CDH4: variants seen among roughly 807,000 people sequenced by gnomAD.
The protein encoded by CDH4 is cadherin-4.
Under a neutral mutation model 86.0 loss-of-function variants are expected in CDH4, and 33 were observed. That is an observed-to-expected ratio of 0.38 (90% CI 0.29 to 0.51). The LOEUF (loss-of-function observed/expected upper bound fraction) is 0.51, where lower values mean the gene tolerates loss of function less well. Among genes scored for constraint, CDH4 ranks in the 20% least tolerant of loss-of-function variants. The pLI is 0.86. For missense variants in CDH4, 1,114 were observed against 1,307.4 expected (o/e 0.85, Z 2.28); for synonymous variants, 555 against 549.4 (o/e 1.01, Z -0.14).
intron 2 of CDH4, among the ~76,000 whole-genome samples, chr20:61,381,807 G>A (rs148833509): frequency 1.2e-4 from 18 of 152,240 alleles, no homozygotes; most frequent in South Asian, 6.2e-4. Flanking sequence ...CAGGTGTAGT[G>A]GCTCACACCT....
chr20:61,691,390 G>C (rs765168329), intron 2 of CDH4, among the ~76,000 whole-genome samples: 3 of 151,816 alleles, frequency 2.0e-5, no homozygotes, highest in Non-Finnish European at 4.4e-5. Context: ...TATTTGTGTG[G>C]ATGTGTGTGT....
chr20:61,729,167 C>T (rs562957837), intron 2 of CDH4, among the ~76,000 whole-genome samples: 5 of 152,314 alleles, frequency 3.3e-5, no homozygotes, highest in Admixed American at 6.5e-5. Context: ...CAGGAGTCCT[C>T]GGTGCATGGC....
intron 7 of CDH4, 50 bp from the exon 8 acceptor site, chr20:61,894,860 A>G (rs1298265828): frequency 1.3e-6 from 2 of 1,577,394 alleles, no homozygotes; most frequent in South Asian, 1.2e-5. Context: ...CCTGTCAATT[A>G]AAACCCAAAC....
chr20:61,280,644 C>T (rs1021699708), intron 2 of CDH4, among the ~76,000 whole-genome samples: 3 of 152,206 alleles, frequency 2.0e-5, no homozygotes, highest in South Asian at 2.1e-4. Context: ...TTCAGATACA[C>T]GGACTTATGG....
At chr20:61,556,124 G>T (rs2086175826) in intron 2 of CDH4, among the ~76,000 whole-genome samples, 1 of 152,198 alleles carries the variant, frequency 6.6e-6, no homozygotes, top group African/African-American at 2.4e-5. Context: ...CGTGACCACA[G>T]AAGTTTGCCA....
chr20:61,303,495 C>T (rs1288680387), intron 2 of CDH4, among the ~76,000 whole-genome samples: 2 of 152,212 alleles, frequency 1.3e-5, no homozygotes, highest in Admixed American at 1.3e-4. Context: ...CCCCTCTTCC[C>T]CTTCTCTGCC....
At chr20:61,537,623 AGCGGGCTTC>A (rs2086007079) in intron 2 of CDH4, among the ~76,000 whole-genome samples, 2 of 152,220 alleles carry the variant, frequency 1.3e-5, no homozygotes, top group Non-Finnish European at 2.9e-5. Flanking sequence ...TAGAAGCAGA[AGCGGGCTTC>A]GCGGACAGGC....
intron 2 of CDH4, among the ~76,000 whole-genome samples, chr20:61,334,032 G>T (rs902528871): frequency 6.6e-6 from 1 of 152,196 alleles, no homozygotes; most frequent in African/African-American, 2.4e-5. Context: ...CCTGGGAGGT[G>T]TCCCCTCTTC....
Position 61,252,493 on chromosome 20 carries a change from A to C in CDH4, c.-21A>C. The stretch of plus-strand genomic sequence containing the variant: ...AGGGAGCGGGCTCCCGGTGCCGGGC[A>C]CCGGGCGGGCGGCGGGGAAGATGAC... On this transcript the variant is annotated 5_prime_UTR_variant, in exon 1 of 16. Transcript: ENST00000614565. The surrounding 1 kb of genome is among the most constrained non-coding windows in gnomAD (Gnocchi z 4.4). 3.5e-6 allele frequency: 4 copies of C among 1,135,982 alleles called. No individual in the cohort carries two copies. The highest frequency in any genetic ancestry group is 4.3e-5 in the South Asian group (1 of 23,194). The allele number at this position is 1,135,982 out of a possible 1,614,324, so 70.4% of individuals were successfully genotyped here.
intron 2 of CDH4, among the ~76,000 whole-genome samples, chr20:61,545,912 G>A (rs2086076650): frequency 6.8e-6 from 1 of 147,026 alleles, no homozygotes; most frequent in Admixed American, 6.7e-5. Flanking sequence ...TGTGTGTGGA[G>A]GGGTGTGTGT....
chr20:61,414,036 T>C (rs1322313971), intron 2 of CDH4, among the ~76,000 whole-genome samples: 1 of 152,224 alleles, frequency 6.6e-6, no homozygotes, highest in East Asian at 1.9e-4. Context: ...CCTCTGTGTG[T>C]GTCACTGTCC....
intron 2 of CDH4, among the ~76,000 whole-genome samples, chr20:61,481,364 G>T (rs2085567248): frequency 6.6e-6 from 1 of 152,170 alleles, no homozygotes; most frequent in African/African-American, 2.4e-5. Context: ...GGAACTCCTG[G>T]TCTGCACTTG....
At chr20:61,718,374 C>G (rs1461024228) in intron 2 of CDH4, 2 of 171,842 alleles carry the variant, frequency 1.2e-5, no homozygotes, top group African/African-American at 4.7e-5. Context: ...CCTGGTCCCT[C>G]TGGGTGTTGA....
intron 2 of CDH4, among the ~76,000 whole-genome samples, chr20:61,318,318 T>C (rs1167739149): frequency 1.3e-5 from 2 of 152,224 alleles, no homozygotes; most frequent in African/African-American, 4.8e-5. Context: ...TTCACAGTGC[T>C]CAGCTGACCA....
At chr20:61,713,799 A>G (rs1026868841) in intron 2 of CDH4, among the ~76,000 whole-genome samples, 1 of 152,190 alleles carries the variant, frequency 6.6e-6, no homozygotes, top group Non-Finnish European at 1.5e-5. Flanking sequence ...GTTAGAAAGC[A>G]GCCCCTACGT....
chr20:61,380,919 G>A (rs865806166), intron 2 of CDH4, among the ~76,000 whole-genome samples: 2 of 152,248 alleles, frequency 1.3e-5, no homozygotes, highest in Non-Finnish European at 2.9e-5. Context: ...AGGGGAAGAT[G>A]TGGGAAAATT....
At chr20:61,620,170 A>ACGGACGGGTGGGTGGG (rs1352143303) in intron 2 of CDH4, among the ~76,000 whole-genome samples, 18 of 54,590 alleles carry the variant, frequency 3.3e-4, no homozygotes, top group Admixed American at 8.1e-4. Flanking sequence ...GGATGGATGG[A>ACGGACGGGTGGGTGGG]TGGATGGGTG....
At chr20:61,424,083 C>T (rs905740299) in intron 2 of CDH4, among the ~76,000 whole-genome samples, 6 of 151,462 alleles carry the variant, frequency 4.0e-5, no homozygotes, top group South Asian at 2.1e-4. Context: ...ACAGCACACA[C>T]GTATACACAC....
intron 2 of CDH4, among the ~76,000 whole-genome samples, chr20:61,559,393 A>G (rs1169789406): frequency 6.6e-6 from 1 of 152,060 alleles, no homozygotes; most frequent in African/African-American, 2.4e-5. Context: ...GCTGGACCGA[A>G]GGGGAGGACC....
Sources: allele counts gnomAD v4.1 joint callset (sites outside exome capture counted in the v4.1 genomes callset), GRCh38; gene constraint gnomAD v4.1.1; non-coding constraint Gnocchi (gnomAD v3.1); transcripts MANE v1.5; gene names NCBI Gene and HGNC (gene_info 2026-07-23, HGNC 2026-07-21).